Variants in HHAT observed in about 807,000 individuals in gnomAD.
HHAT encodes protein-cysteine N-palmitoyltransferase HHAT.
HHAT carries 47 observed loss-of-function variants against 70.8 expected under a neutral mutation model. The observed-to-expected ratio is 0.66, with a 90% CI of 0.53 to 0.85. The LOEUF (loss-of-function observed/expected upper bound fraction) is 0.85. HHAT is among the 40% of genes least tolerant of loss of function. The pLI is 0.00. For missense variants in HHAT, 609 were observed against 604.8 expected, an observed-to-expected ratio of 1.01 and a Z score of -0.07; for synonymous variants, 228 against 247.6, an observed-to-expected ratio of 0.92 and a Z score of 0.74.
intron 9 of HHAT, among the ~76,000 whole-genome samples, chr1:210,517,858 G>A (rs1243695555): frequency 6.6e-6 from 1 of 152,148 alleles, no homozygotes; most frequent in East Asian, 1.9e-4. Context: ...AATGATACTT[G>A]TTTTGTTGCC....
intron 10 of HHAT, among the ~76,000 whole-genome samples, chr1:210,593,615 A>G (rs1259725804): frequency 6.6e-6 from 1 of 152,182 alleles, no homozygotes; most frequent in Non-Finnish European, 1.5e-5. Flanking sequence ...ATAAAGATCC[A>G]TACGTGGAGG....
intron 2 of HHAT, among the ~76,000 whole-genome samples, chr1:210,351,878 C>T (rs1006262099): frequency 3.9e-5 from 6 of 152,126 alleles, no homozygotes; most frequent in African/African-American, 1.4e-4. Context: ...ATCACAGGGC[C>T]AGTCCAGATT....
At chr1:210,423,352 G>T (rs2092961926) in intron 7 of HHAT, among the ~76,000 whole-genome samples, 1 of 151,912 alleles carries the variant, frequency 6.6e-6, no homozygotes. Flanking sequence ...CATATTTATT[G>T]ACCATTTCTT....
intron 6 of HHAT, among the ~76,000 whole-genome samples, chr1:210,409,185 T>TCACAACC (rs1446466277): frequency 6.6e-6 from 1 of 152,104 alleles, no homozygotes; most frequent in Non-Finnish European, 1.5e-5. Context: ...TGTTTAATCC[T>TCACAACC]CACAACCTGT....
chr1:210,492,781 T>C (rs928468338), intron 8 of HHAT, among the ~76,000 whole-genome samples: 5 of 152,176 alleles, frequency 3.3e-5, no homozygotes, highest in African/African-American at 4.8e-5. Context: ...TTCATTTTAG[T>C]AGCAACTGGC....
At chr1:210,563,940 AC>A (rs1266803066) in intron 9 of HHAT, among the ~76,000 whole-genome samples, 3 of 151,916 alleles carry the variant, frequency 2.0e-5, no homozygotes, top group Non-Finnish European at 4.4e-5. Context: ...AACTCATACT[AC>A]ATTGTTTTTG....
intron 9 of HHAT, among the ~76,000 whole-genome samples, chr1:210,556,031 A>G (rs979964445): frequency 2.0e-5 from 3 of 151,642 alleles, no homozygotes; most frequent in African/African-American, 7.3e-5. Context: ...TTTTAAGACA[A>G]TTTTCATTTG....
chr1:210,449,366 A>G (rs1336895075), intron 7 of HHAT, among the ~76,000 whole-genome samples: 1 of 151,736 alleles, frequency 6.6e-6, no homozygotes, highest in Non-Finnish European at 1.5e-5. Flanking sequence ...GTCTTCCTCT[A>G]TAAAGTCGTG....
chr1:210,356,068 T>C (rs935482384), intron 2 of HHAT, among the ~76,000 whole-genome samples: 2 of 151,220 alleles, frequency 1.3e-5, no homozygotes, highest in Admixed American at 6.6e-5. Flanking sequence ...AGGCACACAG[T>C]ACCACACTTG....
At chr1:210,529,406 G>A (rs1359506991) in intron 9 of HHAT, among the ~76,000 whole-genome samples, 3 of 152,060 alleles carry the variant, frequency 2.0e-5, no homozygotes, top group Admixed American at 6.5e-5. Flanking sequence ...TATGAGAAGC[G>A]GGGATATCAA....
chr1:210,339,042 TCAAAA>T (rs1299172543), intron 1 of HHAT, among the ~76,000 whole-genome samples: 1 of 152,080 alleles, frequency 6.6e-6, no homozygotes, highest in Non-Finnish European at 1.5e-5. Flanking sequence ...GGACCCTGTC[TCAAAA>T]CAAAAACAAC....
At chr1:210,448,370 C>T (rs1010917634) in intron 7 of HHAT, among the ~76,000 whole-genome samples, 4 of 152,174 alleles carry the variant, frequency 2.6e-5, no homozygotes, top group African/African-American at 9.7e-5. Flanking sequence ...ACGTGAGCCA[C>T]TGCACCCAGC....
chr1:210,497,417 C>T (rs1450050500), intron 8 of HHAT, among the ~76,000 whole-genome samples: 1 of 152,208 alleles, frequency 6.6e-6, no homozygotes, highest in African/African-American at 2.4e-5. Flanking sequence ...GAAAACACAA[C>T]ACAAAGTAAA....
chr1:210,439,205 T>C (rs1344091983), intron 7 of HHAT, among the ~76,000 whole-genome samples: 1 of 151,884 alleles, frequency 6.6e-6, no homozygotes, highest in Non-Finnish European at 1.5e-5. Flanking sequence ...CCCTCACTAA[T>C]GTATTTATTT....
At chr1:210,576,834 T>A (rs1344567105) in intron 9 of HHAT, among the ~76,000 whole-genome samples, 1 of 152,194 alleles carries the variant, frequency 6.6e-6, no homozygotes, top group Non-Finnish European at 1.5e-5. Flanking sequence ...CATTTTTTGG[T>A]GTGTTTACTT....
chr1:210,604,884 G>A (rs1317661768), intron 10 of HHAT, among the ~76,000 whole-genome samples: 1 of 152,128 alleles, frequency 6.6e-6, no homozygotes. Context: ...TGTTGTGATA[G>A]CATGTGCCTG....
At chr1:210,358,495 A>G (rs2087893395) in intron 2 of HHAT, among the ~76,000 whole-genome samples, 1 of 152,234 alleles carries the variant, frequency 6.6e-6, no homozygotes. Context: ...AGGCCTCCAG[A>G]GTGTCATGAA....
intron 11 of HHAT, among the ~76,000 whole-genome samples, chr1:210,645,608 A>T (rs560182224): frequency 6.6e-6 from 1 of 152,326 alleles, no homozygotes; most frequent in East Asian, 1.9e-4. Flanking sequence ...CAAGCTATGA[A>T]GCAATTAACG....
chr1:210,577,072 G>C (rs1321541816), intron 9 of HHAT, among the ~76,000 whole-genome samples: 1 of 127,284 alleles, frequency 7.9e-6, no homozygotes, highest in African/African-American at 2.5e-5. Flanking sequence ...TTGTTTAACG[G>C]GTTTTTTTTT....
Sources: gnomAD v4.1 joint callset for allele counts (sites outside exome capture counted in the v4.1 genomes callset) on GRCh38, gnomAD v4.1.1 for gene constraint, MANE v1.5 for transcripts, NCBI Gene and HGNC (gene_info 2026-07-23, HGNC 2026-07-21) for gene names.